PCNX2: variants seen among roughly 807,000 people sequenced by gnomAD.
PCNX2 encodes pecanex 2, also known as pecanex-like protein 2.
A neutral mutation model predicts 223.8 loss-of-function variants in PCNX2; 168 were observed. The observed-to-expected ratio is 0.75, with a 90% CI of 0.66 to 0.85. The LOEUF (loss-of-function observed/expected upper bound fraction) is 0.85, where lower values mean the gene tolerates loss of function less well. Among genes scored for constraint, PCNX2 ranks in the 40% least tolerant of loss-of-function variants. The pLI is 0.00. For synonymous variants in PCNX2, 1,006 were observed against 1,052.6 expected (o/e 0.96, Z 0.86); for missense variants, 2,507 against 2,675.5 (o/e 0.94, Z 1.39).
intron 15 of PCNX2, among the ~76,000 whole-genome samples, chr1:233,193,336 C>A (rs1680526218): frequency 6.6e-6 from 1 of 151,932 alleles, no homozygotes. Context: ...ACAGAATCAA[C>A]AATGTCATTA....
At chr1:233,199,130 G>T in intron 14 of PCNX2, 100 bp from the exon 15 acceptor site, 1 of 1,065,800 alleles carries the variant, frequency 9.4e-7, no homozygotes, top group Non-Finnish European at 1.4e-6. Context: ...CATACAAGAT[G>T]CCTGCTGAAG....
chr1:233,141,795 G>GTA (rs1444037750), intron 19 of PCNX2, among the ~76,000 whole-genome samples: 1 of 151,030 alleles, frequency 6.6e-6, no homozygotes, highest in South Asian at 2.1e-4. Context: ...GTGTGTGTGT[G>GTA]TGTGTATATG....
At chr1:233,289,109 C>T (rs1572210612) in intron 1 of PCNX2, 2 of 940,026 alleles carry the variant, frequency 2.1e-6, no homozygotes, top group Non-Finnish European at 3.5e-6. Context: ...GATGCTTTTG[C>T]TTATATTTTG....
chr1:233,274,712 G>T (rs1479386305), intron 1 of PCNX2, among the ~76,000 whole-genome samples: 1 of 152,132 alleles, frequency 6.6e-6, no homozygotes, highest in Non-Finnish European at 1.5e-5. Flanking sequence ...GCCAGGCAGA[G>T]GAAACAGCAT....
the PCNX2 span, among the ~76,000 whole-genome samples, chr1:233,313,636 A>G: frequency 1.1e-3 from 161 of 152,264 alleles, 3 homozygotes; most frequent in East Asian, 0.025. Flanking sequence ...GAAAAAATCT[A>G]GACAAATCAG....
chr1:233,222,340 GC>G lies in PCNX2; in HGVS notation c.2505-4157del, dbSNP rs534441942. 3.4e-3 allele frequency among the ~76,000 whole-genome samples: 511 copies of G among 152,274 alleles called. 8 individuals carry two copies. Among genetic ancestry groups the G allele is most frequent in the Non-Finnish European group, 2.1e-3 (146 of 68,028 alleles). On this transcript the variant is annotated intron_variant, in intron 10 of 33. Coordinates refer to ENST00000258229, the MANE Select transcript of PCNX2 (RefSeq NM_014801.4). ...ATTTTCATTCTGAGTGAAATGGGGA[GC>G]CATTGCTGGGCAGTCGGTAAAGCAG...
At chr1:233,188,758 T>C (rs1366473859) in intron 15 of PCNX2, among the ~76,000 whole-genome samples, 2 of 152,160 alleles carry the variant, frequency 1.3e-5, no homozygotes, top group African/African-American at 4.8e-5. Flanking sequence ...CCTGACCTCA[T>C]GATCCACCCT....
the PCNX2 span, among the ~76,000 whole-genome samples, chr1:233,318,353 C>T: frequency 6.6e-6 from 1 of 152,084 alleles, no homozygotes; most frequent in Admixed American, 6.6e-5. Context: ...TTTCATCTCT[C>T]CTCATATCCA....
intron 21 of PCNX2, among the ~76,000 whole-genome samples, chr1:233,131,860 T>C (rs547346069): frequency 2.1e-4 from 32 of 152,208 alleles, no homozygotes; most frequent in Non-Finnish European, 4.4e-4. Flanking sequence ...ATTATTCATA[T>C]TTTAATTGGT....
At chr1:233,143,956 A>G (rs565068054) in intron 19 of PCNX2, among the ~76,000 whole-genome samples, 62 of 152,208 alleles carry the variant, frequency 4.1e-4, no homozygotes, top group African/African-American at 1.3e-3. Flanking sequence ...AAAAATTGCT[A>G]TAATATCTTC....
At chr1:233,117,603 GAAA>G (rs201172317) in intron 21 of PCNX2, among the ~76,000 whole-genome samples, 1 of 73,238 alleles carries the variant, frequency 1.4e-5, no homozygotes. Context: ...TCCGTCTAAA[GAAA>G]AAAAAAAAAA....
chr1:233,185,230 T>A (rs1353130527), intron 15 of PCNX2, among the ~76,000 whole-genome samples: 1 of 152,100 alleles, frequency 6.6e-6, no homozygotes, highest in Non-Finnish European at 1.5e-5. Flanking sequence ...AGACTGCCAT[T>A]TTCCAAAACC....
Position 233,000,611 on chromosome 1 carries a change from C to T in PCNX2, c.5098-76G>A, listed in dbSNP as rs1356376011. The T allele has an allele frequency of 1.2e-5, 14 of 1,199,000 alleles. No homozygotes were observed. The highest frequency in any genetic ancestry group is 1.5e-5 in the African/African-American group (1 of 66,112). The allele number at this position is 1,199,000 out of a possible 1,614,324, so 74.3% of individuals were successfully genotyped here. A position where few individuals can be genotyped will look rare whatever the true frequency, so the allele number is the denominator to read the frequency against. On this transcript the variant is annotated intron_variant, in intron 29 of 33. Coordinates refer to ENST00000258229, the MANE Select transcript of PCNX2 (RefSeq NM_014801.4). The surrounding 1 kb of genome is among the most constrained non-coding windows in gnomAD (Gnocchi z 4.6). ...CCCCCAGGAAGCATGCAGATGGCAA[C>T]TGGCCAGTGACCTCCAAAGCTAAGC...
intron 13 of PCNX2, among the ~76,000 whole-genome samples, chr1:233,203,137 T>C (rs1238106150): frequency 1.2e-4 from 19 of 152,202 alleles, no homozygotes; most frequent in Admixed American, 1.2e-3. Flanking sequence ...CTTCCCTGGG[T>C]TGGACATTCC....
In PCNX2 at chr1:233,002,235, AT is replaced by A. The variant is rs758802554; in HGVS notation, c.4953-555del. 2.7e-3 allele frequency among the ~76,000 whole-genome samples: 405 copies of A among 151,876 alleles called. 1 individual carries two copies. Among genetic ancestry groups the A allele is most frequent in the African/African-American group, 9.4e-3 (391 of 41,412 alleles). ...AGAACATGCATTTCCCAATCCCACC[AT>A]TTTTTTTAATGATGAGAGGAAGAGG... On this transcript the variant is annotated intron_variant, in intron 28 of 33. Transcript: ENST00000258229.
rs571389908 is a variant in PCNX2 at position 233,200,516 on chromosome 1, G to A, written c.2864-252C>T. 1.1e-3 allele frequency among the ~76,000 whole-genome samples: 173 copies of A among 151,520 alleles called. 1 individual carries two copies. The highest frequency in any genetic ancestry group is 4.1e-3 in the African/African-American group (168 of 41,184). On this transcript the variant is annotated intron_variant, in intron 13 of 33. Transcript: ENST00000258229. ...GACTCCTCTCACCCGGAGGAAACTG[G>A]AGGCTGAGACGGAAATGTGTCTGTG...
chr1:233,309,538 C>CA, the PCNX2 span, among the ~76,000 whole-genome samples: 25 of 141,582 alleles, frequency 1.8e-4, no homozygotes, highest in African/African-American at 5.0e-4. Flanking sequence ...GAGACTCCCT[C>CA]AAAAAAATAA....
chr1:233,117,561 A>C (rs1241114158), intron 21 of PCNX2, among the ~76,000 whole-genome samples: 4 of 148,982 alleles, frequency 2.7e-5, no homozygotes, highest in African/African-American at 9.9e-5. Flanking sequence ...AGATCGCGCC[A>C]CTGGACTACA....
chr1:233,308,286 G>A, the PCNX2 span, among the ~76,000 whole-genome samples: 2 of 151,894 alleles, frequency 1.3e-5, no homozygotes, highest in Admixed American at 6.6e-5. Context: ...ACAAAATCCC[G>A]TCTCTTCTAA....
Sources: gnomAD v4.1 joint callset for allele counts (sites outside exome capture counted in the v4.1 genomes callset) on GRCh38, gnomAD v4.1.1 for gene constraint, Gnocchi (gnomAD v3.1) non-coding constraint, MANE v1.5 for transcripts, NCBI Gene and HGNC (gene_info 2026-07-23, HGNC 2026-07-21) for gene names.